Variants in FLT1 observed in about 807,000 individuals in gnomAD.
The protein encoded by FLT1 is vascular endothelial growth factor receptor 1.
In FLT1, 49 loss-of-function variants were observed where a neutral mutation model predicts 156.3. The observed-to-expected ratio is 0.31, with a 90% confidence interval of 0.25 to 0.40. FLT1 has a LOEUF of 0.40. Among genes scored for constraint, FLT1 ranks in the 10% least tolerant of loss-of-function variants. FLT1 has a pLI of 1.00. For synonymous variants in FLT1, 594 were observed against 583.8 expected (o/e 1.02, Z -0.25); for missense variants, 1,322 against 1,637.2 (o/e 0.81, Z 3.32).
At chr13:28,316,852 A>G (rs892990544) in intron 25 of FLT1, among the ~76,000 whole-genome samples, 1 of 151,812 alleles carries the variant, frequency 6.6e-6, no homozygotes, top group Admixed American at 6.6e-5. Context: ...CGAACTCCTG[A>G]CCTCAAGTGA....
At chr13:28,456,614 G>C (rs1879283063) in intron 3 of FLT1, among the ~76,000 whole-genome samples, 1 of 152,002 alleles carries the variant, frequency 6.6e-6, no homozygotes, top group African/African-American at 2.4e-5. Context: ...TGGCCAACAT[G>C]GTGAAACCCT....
chr13:28,328,060 C>G (rs73451166), intron 19 of FLT1, among the ~76,000 whole-genome samples: 2,239 of 152,254 alleles, frequency 0.015, 56 homozygotes, highest in African/African-American at 0.051. Context: ...GCAAACTCTT[C>G]TTGTAAAGGT....
At chr13:28,357,712 G>A in intron 14 of FLT1, 27 bp from the exon 15 acceptor site, 3 of 1,611,230 alleles carry the variant, frequency 1.9e-6, no homozygotes, top group Non-Finnish European at 2.5e-6. Flanking sequence ...GTTTAGATTA[G>A]TGGGCCTGGA....
At chr13:28,309,984 G>C (rs1217072224) in intron 27 of FLT1, among the ~76,000 whole-genome samples, 1 of 136,936 alleles carries the variant, frequency 7.3e-6, no homozygotes, top group Non-Finnish European at 1.5e-5. Flanking sequence ...CCGCCTCCCT[G>C]GTTCAAGTGA....
In FLT1 at chr13:28,339,228, A is replaced by T. The variant is rs749090861; in HGVS notation, c.2428T>A (p.Cys810Ser). 1 of 1,614,124 alleles carries T rather than the reference A, an allele frequency of 6.2e-7. No homozygotes were observed. Among genetic ancestry groups the T allele is most frequent in the Admixed American group, 1.7e-5 (1 of 60,026 alleles). The change falls in exon 17 of 30, where the codon TGT becomes AGT. Residue 810 changes from cysteine to serine, a missense_variant. Physicochemically the swap from Cys to Ser is moderately radical, Grantham distance 112. Coordinates refer to ENST00000282397, the MANE Select transcript of FLT1 (RefSeq NM_002019.4). ...DPDEVPLDEQ[C>S]ERLPYDASKW... ...CTGGCATCATAAGGGAGCCGCTCAC[A>T]CTGCTCATCCAAAGGAACTTCATCT...
At position 28,341,152 on chromosome 13, in the gene FLT1, C is replaced by T. The variant is rs189792164; in HGVS notation, c.2356-1852G>A. ...GTGTTGACAGAGGCAGGGGAATAGGCGGTGGTAGGCAGTCTCCCACGTGGC... is the reference window on the plus strand; with the variant it reads ...GTGTTGACAGAGGCAGGGGAATAGGTGGTGGTAGGCAGTCTCCCACGTGGC... On this transcript the variant is annotated intron_variant, in intron 16 of 29. Transcript: ENST00000282397. Among the ~76,000 whole-genome samples the T allele has an allele frequency of 1.3e-3, 197 of 152,212 alleles. 1 individual carries two copies. The highest frequency in any genetic ancestry group is 4.5e-3 in the African/African-American group (187 of 41,538).
Position 28,327,490 on chromosome 13 carries a change from C to T in FLT1, c.2768G>A (p.Ser923Asn), listed in dbSNP as rs1566288079. 23 of 1,613,244 alleles carry T rather than the reference C, an allele frequency of 1.4e-5. No homozygotes were observed. Among genetic ancestry groups the T allele is most frequent in the Non-Finnish European group, 2.0e-5 (23 of 1,179,232 alleles). ...GTTGAGAAAAAATAAGTCACGTTTG[C>T]TCTTGAGGTAGTTGGAGAGATTTCC... ...KYGNLSNYLKSKRDLFFLNKD... is the reference protein window; with the variant it reads ...KYGNLSNYLKNKRDLFFLNKD... Residue 923 changes from serine (S) to asparagine (N), a missense_variant, in exon 20 of 30, where the codon AGC becomes AAC. Ser to Asn is a conservative substitution (Grantham distance 46). This residue lies in a region of FLT1 where 991 missense variants were observed against 1,254.8 expected (regional missense o/e 0.79). Transcript: ENST00000282397.
intron 10 of FLT1, among the ~76,000 whole-genome samples, chr13:28,424,216 G>A (rs1877190301): frequency 6.6e-6 from 1 of 151,716 alleles, no homozygotes; most frequent in Non-Finnish European, 1.5e-5. Context: ...TGGGATTACA[G>A]GTATGAGCCA....
intron 1 of FLT1, among the ~76,000 whole-genome samples, chr13:28,471,555 G>A (rs1880182146): frequency 1.3e-5 from 2 of 152,164 alleles, no homozygotes; most frequent in Admixed American, 6.5e-5. Context: ...AGATAGATGT[G>A]TATGTACGTA....
At chr13:28,460,129 A>G (rs576572902) in intron 3 of FLT1, among the ~76,000 whole-genome samples, 1 of 152,174 alleles carries the variant, frequency 6.6e-6, no homozygotes, top group Non-Finnish European at 1.5e-5. Flanking sequence ...GGCAGTGTTG[A>G]CTGAGCCTTC....
intron 1 of FLT1, among the ~76,000 whole-genome samples, chr13:28,487,990 C>T (rs1295941394): frequency 6.6e-6 from 1 of 151,332 alleles, no homozygotes; most frequent in Non-Finnish European, 1.5e-5. Context: ...ACACCGATGT[C>T]CCAGCAGAAG....
At chr13:28,357,454 G>T in intron 15 of FLT1, 100 bp downstream of exon 15, 2 of 1,231,788 alleles carry the variant, frequency 1.6e-6, no homozygotes, top group Non-Finnish European at 2.4e-6. Context: ...GAAAGGAACA[G>T]ACTGGAGCAG....
chr13:28,378,229 A>T (rs1372755595), intron 14 of FLT1, among the ~76,000 whole-genome samples: 1 of 152,002 alleles, frequency 6.6e-6, no homozygotes, highest in Non-Finnish European at 1.5e-5. Flanking sequence ...TTGTATTTTT[A>T]GTAGAGACGA....
At chr13:28,443,053 G>A (rs866199141) in intron 3 of FLT1, among the ~76,000 whole-genome samples, 2 of 152,312 alleles carry the variant, frequency 1.3e-5, no homozygotes, top group South Asian at 4.1e-4. Context: ...GACTGCCGGT[G>A]TACTGGCAGC....
intron 13 of FLT1, chr13:28,387,230 A>G: frequency 9.6e-7 from 1 of 1,039,188 alleles, no homozygotes. Context: ...TCTGAAATAT[A>G]CAGTAATATG....
chr13:28,333,019 A>G (rs775330622), intron 18 of FLT1, among the ~76,000 whole-genome samples: 51 of 152,242 alleles, frequency 3.3e-4, no homozygotes, highest in Non-Finnish European at 6.5e-4. Context: ...TCAGAGCAGA[A>G]TTGGCAGGTT....
At chr13:28,419,180 C>T (rs1433779931) in intron 10 of FLT1, among the ~76,000 whole-genome samples, 1 of 152,138 alleles carries the variant, frequency 6.6e-6, no homozygotes, top group Non-Finnish European at 1.5e-5. Context: ...ACTGTCAGGG[C>T]CAGAGTCTAA....
intron 24 of FLT1, 138 bp downstream of exon 24, chr13:28,319,285 T>C (rs1375615356): frequency 2.9e-6 from 2 of 687,322 alleles, no homozygotes; most frequent in African/African-American, 1.8e-5. Context: ...TCTGAGAGTC[T>C]ACATGGGCCC....
In FLT1 at chr13:28,302,077, T is replaced by C. The variant is rs7326277; in HGVS notation, c.*1090A>G. On this transcript the variant is annotated 3_prime_UTR_variant, in exon 30 of 30. Transcript: ENST00000282397. ...GGTTTGGTTGGTATAGAGACGGGGT[T>C]TTCCCTTGACCTTATTGACCTTTTT... The C allele has an allele frequency of 0.19, 44,413 of 233,168 alleles. 6,792 individuals are homozygous for C. The highest frequency in any genetic ancestry group is 0.46 in the African/African-American group (20,943 of 45,328). The allele number at this position is 233,168 out of a possible 1,614,324, so 14.4% of individuals were successfully genotyped here. A position where few individuals can be genotyped will look rare whatever the true frequency, so the allele number is the denominator to read the frequency against.
Sources: allele counts gnomAD v4.1 joint callset (sites outside exome capture counted in the v4.1 genomes callset), GRCh38; gene constraint gnomAD v4.1.1; regional missense constraint gnomAD v4.1.1; transcripts MANE v1.5; gene names NCBI Gene and HGNC (gene_info 2026-07-23, HGNC 2026-07-21).